Variants in MND1 observed in about 807,000 individuals in gnomAD.
The protein encoded by MND1 is meiotic nuclear division protein 1 homolog.
In MND1, 28 loss-of-function variants were observed where a neutral mutation model predicts 35.1. The observed-to-expected ratio is 0.80, with a 90% CI of 0.59 to 1.09. The LOEUF (loss-of-function observed/expected upper bound fraction) is 1.09. Among genes scored for constraint, MND1 ranks in the 50% least tolerant of loss-of-function variants. The pLI is 0.00. For synonymous variants in MND1, 69 were observed against 70.5 expected, an observed-to-expected ratio of 0.98 and a Z score of 0.11; for missense variants, 213 against 239.6, an observed-to-expected ratio of 0.89 and a Z score of 0.73.
intron 6 of MND1, among the ~76,000 whole-genome samples, chr4:153,399,992 C>T (rs560211177): frequency 6.7e-6 from 1 of 149,400 alleles, no homozygotes; most frequent in East Asian, 2.0e-4. Flanking sequence ...CCTCAACCCC[C>T]GCAAGCTCAA....
chr4:153,384,590 G>T (rs570233295), intron 4 of MND1, among the ~76,000 whole-genome samples: 12 of 151,424 alleles, frequency 7.9e-5, no homozygotes, highest in African/African-American at 2.9e-4. Context: ...ACTATGCACA[G>T]CCTATTTCTA....
chr4:153,360,606 G>GTGTA (rs199684412), intron 4 of MND1, among the ~76,000 whole-genome samples: 261 of 143,432 alleles, frequency 1.8e-3, no homozygotes, highest in South Asian at 7.7e-3. Flanking sequence ...GTGTGTGTGT[G>GTGTA]TATATATATA....
chr4:153,347,157 G>T (rs1773094857), intron 1 of MND1, among the ~76,000 whole-genome samples: 1 of 152,096 alleles, frequency 6.6e-6, no homozygotes, highest in African/African-American at 2.4e-5. Context: ...GGACCTATTG[G>T]ACTAGAAAAA....
At chr4:153,367,952 A>C (rs1355841690) in intron 4 of MND1, among the ~76,000 whole-genome samples, 1 of 151,944 alleles carries the variant, frequency 6.6e-6, no homozygotes, top group East Asian at 1.9e-4. Flanking sequence ...GCATCTTTTC[A>C]TGTGCTTCTT....
intron 5 of MND1, among the ~76,000 whole-genome samples, chr4:153,396,009 A>T (rs1729188803): frequency 1.3e-5 from 2 of 152,070 alleles, no homozygotes; most frequent in Admixed American, 1.3e-4. Context: ...ACAGGCAGGC[A>T]CCACCACACT....
intron 4 of MND1, among the ~76,000 whole-genome samples, chr4:153,392,529 C>G (rs1191335841): frequency 6.6e-6 from 1 of 152,096 alleles, no homozygotes; most frequent in Non-Finnish European, 1.5e-5. Flanking sequence ...AGGCCCTTAC[C>G]TAATCACATG....
At chr4:153,373,043 G>A (rs958386733) in intron 4 of MND1, among the ~76,000 whole-genome samples, 4 of 150,508 alleles carry the variant, frequency 2.7e-5, no homozygotes, top group Non-Finnish European at 5.9e-5. Flanking sequence ...TAGTAGCATG[G>A]CATATCTTTT....
intron 6 of MND1, 40 bp from the exon 7 acceptor site, chr4:153,408,931 T>TAA (rs1554013749): frequency 7.3e-6 from 5 of 680,488 alleles, no homozygotes; most frequent in African/African-American, 2.0e-5. Flanking sequence ...TATATATATA[T>TAA]ATAAATACAT....
chr4:153,413,576 G>T (rs947452062), intron 7 of MND1, among the ~76,000 whole-genome samples: 7 of 151,926 alleles, frequency 4.6e-5, no homozygotes, highest in African/African-American at 7.3e-5. Flanking sequence ...CACTCGTGGG[G>T]CTGAGGTTGG....
At chr4:153,400,636 C>T (rs1729323376) in intron 6 of MND1, among the ~76,000 whole-genome samples, 1 of 152,090 alleles carries the variant, frequency 6.6e-6, no homozygotes, top group African/African-American at 2.4e-5. Flanking sequence ...TCCTTGCACC[C>T]AGTAGTTCAA....
intron 4 of MND1, among the ~76,000 whole-genome samples, chr4:153,383,707 A>G (rs1368368547): frequency 1.3e-5 from 2 of 152,224 alleles, no homozygotes; most frequent in African/African-American, 4.8e-5. Context: ...TTACAGAGGT[A>G]GCATGAAGGA....
At chr4:153,391,868 G>T (rs1352064129) in intron 4 of MND1, among the ~76,000 whole-genome samples, 1 of 151,876 alleles carries the variant, frequency 6.6e-6, no homozygotes, top group Non-Finnish European at 1.5e-5. Context: ...TATAGATCTT[G>T]TTCATGCTAT....
intron 1 of MND1, among the ~76,000 whole-genome samples, chr4:153,349,360 G>A (rs766294336): frequency 1.3e-5 from 2 of 151,902 alleles, no homozygotes; most frequent in East Asian, 3.9e-4. Flanking sequence ...TTAACTTAAC[G>A]AAAATGCAAC....
intron 5 of MND1, 46 bp downstream of exon 5, chr4:153,394,382 A>G: frequency 6.7e-7 from 1 of 1,489,656 alleles, no homozygotes; most frequent in Non-Finnish European, 9.2e-7. Flanking sequence ...AATTCTAAAT[A>G]TTAGAGTAAG....
At chr4:153,386,529 A>G (rs932851665) in intron 4 of MND1, among the ~76,000 whole-genome samples, 1 of 152,042 alleles carries the variant, frequency 6.6e-6, no homozygotes, top group African/African-American at 2.4e-5. Context: ...CAACCTGACC[A>G]ACATCGTGAA....
intron 4 of MND1, among the ~76,000 whole-genome samples, chr4:153,376,858 C>T (rs1420289114): frequency 6.6e-6 from 1 of 152,080 alleles, no homozygotes; most frequent in Non-Finnish European, 1.5e-5. Flanking sequence ...CAACTTGTAT[C>T]AGTACCTAGC....
At chr4:153,375,583 A>C (rs1379604776) in intron 4 of MND1, among the ~76,000 whole-genome samples, 1 of 152,108 alleles carries the variant, frequency 6.6e-6, no homozygotes, top group Non-Finnish European at 1.5e-5. Flanking sequence ...AAGGTTGGAA[A>C]TCAAATGGAG....
chr4:153,361,386 G>A (rs560957289), intron 4 of MND1: 7 of 445,088 alleles, frequency 1.6e-5, no homozygotes, highest in Admixed American at 1.5e-4. Context: ...TGATTGTCTT[G>A]TTTTCCTTAG....
chr4:153,404,214 G>T (rs777289684), intron 6 of MND1, among the ~76,000 whole-genome samples: 4 of 100,194 alleles, frequency 4.0e-5, no homozygotes, highest in African/African-American at 1.6e-4. Context: ...GTGGAGTCTT[G>T]CTCTGTCACC....
Sources: gnomAD v4.1 joint callset for allele counts (sites outside exome capture counted in the v4.1 genomes callset) on GRCh38, gnomAD v4.1.1 for gene constraint, MANE v1.5 for transcripts, NCBI Gene and HGNC (gene_info 2026-07-23, HGNC 2026-07-21) for gene names.